Variants in BMERB1 observed in about 807,000 individuals in gnomAD.
BMERB1 encodes the protein bMERB domain containing 1, also known as bMERB domain-containing protein 1.
BMERB1 carries 12 observed loss-of-function variants against 23.6 expected under a neutral mutation model. The observed-to-expected ratio is 0.51, with a 90% CI of 0.33 to 0.82. The LOEUF (loss-of-function observed/expected upper bound fraction) is 0.82. Ranked by LOEUF, BMERB1 falls within the 40% of genes least tolerant of loss-of-function variation. The pLI is 0.03. For missense variants in BMERB1, 247 were observed against 255.4 expected (o/e 0.97, Z 0.22); for synonymous variants, 122 against 96.6 (o/e 1.26, Z -1.54).
chr16:15,514,673 A>G (rs2150951040), intron 1 of BMERB1, among the ~76,000 whole-genome samples: 1 of 152,128 alleles, frequency 6.6e-6, no homozygotes, highest in South Asian at 2.1e-4. Flanking sequence ...AGCTACTTAT[A>G]AGGCTGAGGT....
intron 1 of BMERB1, among the ~76,000 whole-genome samples, chr16:15,455,333 A>AAG (rs1555505831): frequency 2.0e-5 from 3 of 150,066 alleles, no homozygotes; most frequent in Non-Finnish European, 2.9e-5. Flanking sequence ...CAAAAAAAAA[A>AAG]AAAAGAAAAG....
intron 1 of BMERB1, among the ~76,000 whole-genome samples, chr16:15,448,514 C>T (rs971159810): frequency 2.6e-5 from 4 of 152,314 alleles, no homozygotes; most frequent in South Asian, 2.1e-4. Context: ...ATATCAGCAT[C>T]CAGGCGCAGT....
At chr16:15,567,003 G>A (rs944218435) in intron 2 of BMERB1, among the ~76,000 whole-genome samples, 3 of 151,658 alleles carry the variant, frequency 2.0e-5, no homozygotes, top group African/African-American at 7.3e-5. Context: ...GCAACATAAC[G>A]AGGTCCCTCT....
At chr16:15,463,457 T>C (rs937633652) in intron 1 of BMERB1, among the ~76,000 whole-genome samples, 12 of 152,070 alleles carry the variant, frequency 7.9e-5, no homozygotes, top group African/African-American at 2.9e-4. Context: ...AGGTTCAGTG[T>C]GGAGAGTGAA....
Position 15,442,329 on chromosome 16 carries a change from CAAG to C in BMERB1, c.106+7573_106+7575del, listed in dbSNP as rs1320265129. On this transcript the variant is annotated intron_variant, in intron 1 of 5. Coordinates refer to ENST00000300006, the MANE Select transcript of BMERB1 (RefSeq NM_033201.3). Reference sequence around the variant, plus strand: ...TGGGCGACAGAGTGAGACACTGTCTCAAGAAAAAAAAAAAAAAGAATTAGGAGA... The same window carrying C: ...TGGGCGACAGAGTGAGACACTGTCTCAAAAAAAAAAAAAAGAATTAGGAGA... 3.7e-5 allele frequency among the ~76,000 whole-genome samples: 5 copies of C among 134,184 alleles called. No homozygotes were observed. In the Admixed American group the frequency reaches 3.8e-4, roughly 10 times the overall value. 88.0% of individuals were successfully genotyped at this position (134,184 alleles called of 152,430 possible). A position where few individuals can be genotyped will look rare whatever the true frequency, so the allele number is the denominator to read the frequency against.
chr16:15,437,095 G>A (rs567360957), intron 1 of BMERB1, among the ~76,000 whole-genome samples: 1 of 152,106 alleles, frequency 6.6e-6, no homozygotes, highest in Non-Finnish European at 1.5e-5. Flanking sequence ...CTTTTAACAT[G>A]AAGGTTTATT....
At chr16:15,514,811 T>C (rs2051725062) in intron 1 of BMERB1, among the ~76,000 whole-genome samples, 1 of 146,688 alleles carries the variant, frequency 6.8e-6, no homozygotes, top group Non-Finnish European at 1.5e-5. Context: ...CCGGGTGCAG[T>C]GGCTCACGCC....
chr16:15,531,554 A>C (rs1208227092), intron 2 of BMERB1, among the ~76,000 whole-genome samples: 3 of 152,182 alleles, frequency 2.0e-5, no homozygotes, highest in African/African-American at 7.2e-5. Context: ...ACAATGACAG[A>C]GACGGCCCTG....
At chr16:15,582,544 C>T (rs1051002613) in intron 4 of BMERB1, among the ~76,000 whole-genome samples, 1 of 152,144 alleles carries the variant, frequency 6.6e-6, no homozygotes, top group Admixed American at 6.5e-5. Context: ...GTGAGACCCC[C>T]CTATCTCTAC....
intron 1 of BMERB1, among the ~76,000 whole-genome samples, chr16:15,467,360 T>C (rs956251836): frequency 2.0e-5 from 3 of 152,234 alleles, no homozygotes; most frequent in South Asian, 2.1e-4. Flanking sequence ...TTTGGTGTTA[T>C]CATTATTTTT....
intron 1 of BMERB1, among the ~76,000 whole-genome samples, chr16:15,464,807 C>A (rs976196029): frequency 5.3e-5 from 8 of 152,132 alleles, no homozygotes; most frequent in Non-Finnish European, 8.8e-5. Context: ...AGGTTTTGGC[C>A]AGCTTCTTTA....
At chr16:15,578,364 C>G (rs950481955) in intron 3 of BMERB1, among the ~76,000 whole-genome samples, 5 of 151,892 alleles carry the variant, frequency 3.3e-5, no homozygotes, top group African/African-American at 1.2e-4. Flanking sequence ...ATGCTTGGGT[C>G]TCTTTCCTCT....
chr16:15,481,308 C>T (rs1481722584), intron 1 of BMERB1, among the ~76,000 whole-genome samples: 1 of 152,024 alleles, frequency 6.6e-6, no homozygotes, highest in African/African-American at 2.4e-5. Flanking sequence ...GGGTGGATCA[C>T]GAGGTCAGGG....
At chr16:15,484,405 C>CCCTT (rs1567464272) in intron 1 of BMERB1, among the ~76,000 whole-genome samples, 1 of 151,488 alleles carries the variant, frequency 6.6e-6, no homozygotes, top group Non-Finnish European at 1.5e-5. Context: ...TTCCCCCAAC[C>CCCTT]TCTTTTTTTT....
intron 1 of BMERB1, among the ~76,000 whole-genome samples, chr16:15,444,547 AGCATG>A (rs974797192): frequency 2.0e-5 from 3 of 152,182 alleles, no homozygotes; most frequent in African/African-American, 7.2e-5. Flanking sequence ...ATGCCAGGAA[AGCATG>A]GTGACAAATA....
At chr16:15,502,449 C>T (rs2051540392) in intron 1 of BMERB1, 1 of 1,277,892 alleles carries the variant, frequency 7.8e-7, no homozygotes, top group South Asian at 1.3e-5. Context: ...CAGCCAGGAG[C>T]TTCTGGGTTA....
At chr16:15,490,777 C>T (rs999122141) in intron 1 of BMERB1, among the ~76,000 whole-genome samples, 3 of 152,166 alleles carry the variant, frequency 2.0e-5, no homozygotes, top group Admixed American at 6.5e-5. Flanking sequence ...GTGGCTAAGT[C>T]GGAAGAAGTG....
At position 15,587,124 on chromosome 16, in the gene BMERB1, A is replaced by C; in HGVS notation, c.*295A>C. ...TCCTCCCTCAAAAAAGCATATCTCC[A>C]CTTCTCTCTAGCTGTATCTAACCCA... On this transcript the variant is annotated 3_prime_UTR_variant, in exon 6 of 6. Coordinates refer to ENST00000300006, the MANE Select transcript of BMERB1 (RefSeq NM_033201.3). 2.5e-6 allele frequency: 1 copy of C among 403,464 alleles called. No homozygotes were observed. The highest frequency in any genetic ancestry group is 4.5e-6 in the Non-Finnish European group (1 of 222,586). 25.0% of individuals were successfully genotyped at this position (403,464 alleles called of 1,614,324 possible). A position where few individuals can be genotyped will look rare whatever the true frequency, so the allele number is the denominator to read the frequency against.
chr16:15,584,968 G>A lies in BMERB1; in HGVS notation c.502+1730G>A, dbSNP rs117226178. 6.9e-3 allele frequency among the ~76,000 whole-genome samples: 1,044 copies of A among 152,304 alleles called. 4 individuals are homozygous for A. Among genetic ancestry groups the A allele is most frequent in the Middle Eastern group, 0.014 (4 of 294 alleles). ...AGGAATGTATAACATGCCCACTCCT[G>A]CAGCCACAGGGACATGAGCTGTTAG... On this transcript the variant is annotated intron_variant, in intron 5 of 5. Transcript: ENST00000300006.
Sources: gnomAD v4.1 joint callset for allele counts (sites outside exome capture counted in the v4.1 genomes callset) on GRCh38, gnomAD v4.1.1 for gene constraint, MANE v1.5 for transcripts, NCBI Gene and HGNC (gene_info 2026-07-23, HGNC 2026-07-21) for gene names.